Variants in DENND1A observed in about 807,000 individuals in gnomAD.
DENND1A encodes DENN domain containing 1A.
DENND1A carries 51 observed loss-of-function variants against 113.7 expected under a neutral mutation model. That is an observed-to-expected ratio of 0.45 (90% confidence interval 0.36 to 0.57). The LOEUF is 0.57. Among genes scored for constraint, DENND1A ranks in the 20% least tolerant of loss-of-function variants. DENND1A has a pLI of 0.00. For synonymous variants in DENND1A, 565 were observed against 570.8 expected, an observed-to-expected ratio of 0.99 and a Z score of 0.14; for missense variants, 1,258 against 1,395.9, an observed-to-expected ratio of 0.90 and a Z score of 1.57.
At chr9:123,777,394 T>C (rs1423302771) in intron 3 of DENND1A, among the ~76,000 whole-genome samples, 1 of 152,252 alleles carries the variant, frequency 6.6e-6, no homozygotes, top group East Asian at 1.9e-4. Flanking sequence ...GACAGCTAGA[T>C]GTAGCTACCG....
intron 5 of DENND1A, among the ~76,000 whole-genome samples, chr9:123,699,639 A>G (rs2065752206): frequency 6.7e-6 from 1 of 149,322 alleles, no homozygotes; most frequent in South Asian, 2.1e-4. Flanking sequence ...GCGGATACCC[A>G]ACTGCTCCAT....
Position 123,383,912 on chromosome 9 carries a change from GCC to G in DENND1A, c.1761-1_1761del, listed in dbSNP as rs756669110. 6.2e-7 allele frequency: 1 copy of G among 1,607,340 alleles called. No homozygotes were observed. ...TCCCTGAGTGTCCGATACGGCTGCGGCCTGTCGGGGACAGAGCAGGCTGCACT... is the reference window on the plus strand; with the variant it reads ...TCCCTGAGTGTCCGATACGGCTGCGGTGTCGGGGACAGAGCAGGCTGCACT... On this transcript the variant is annotated splice_acceptor_variant and coding_sequence_variant, in exon 23 of 24. Coordinates refer to ENST00000394215, the MANE Select transcript of DENND1A (RefSeq NM_001352964.2). LOFTEE classifies it high-confidence loss of function.
chr9:123,403,404 C>T lies in DENND1A; in HGVS notation c.1629G>A (p.Glu543=). Residue 543 remains glutamate, a splice_region_variant and synonymous_variant, in exon 21 of 24, where the codon GAG becomes GAA. Coordinates refer to ENST00000394215, the MANE Select transcript of DENND1A (RefSeq NM_001352964.2). The stretch of plus-strand genomic sequence containing the variant: ...GAGGGGAGAGGCACAATACTCACTG[C>T]TCAGGGCTCGGCACAGACGTCCTCC... ...EGRRTSVPSP[E]HLVKPLRHYA... 1 of 1,614,100 alleles carries T rather than the reference C, an allele frequency of 6.2e-7. No individual in the cohort carries two copies. Among genetic ancestry groups the T allele is most frequent in the South Asian group, 1.1e-5 (1 of 91,034 alleles).
At chr9:123,555,887 A>G (rs1410664025) in intron 13 of DENND1A, among the ~76,000 whole-genome samples, 2 of 152,184 alleles carry the variant, frequency 1.3e-5, no homozygotes, top group East Asian at 3.9e-4. Flanking sequence ...CAACAATGAG[A>G]TCACTGCAAG....
chr9:123,863,880 T>C (rs2133325365), intron 2 of DENND1A, among the ~76,000 whole-genome samples: 1 of 152,270 alleles, frequency 6.6e-6, no homozygotes, highest in Middle Eastern at 3.4e-3. Context: ...ATCCTGACTT[T>C]AGGTTCATAG....
At chr9:123,776,624 C>G (rs1370467611) in intron 3 of DENND1A, among the ~76,000 whole-genome samples, 1 of 152,184 alleles carries the variant, frequency 6.6e-6, no homozygotes, top group Non-Finnish European at 1.5e-5. Context: ...TATTCAGTCA[C>G]AATTGCATAC....
At chr9:123,671,737 T>C (rs2063774525) in intron 6 of DENND1A, among the ~76,000 whole-genome samples, 1 of 152,184 alleles carries the variant, frequency 6.6e-6, no homozygotes, top group African/African-American at 2.4e-5. Context: ...GAAATAACGA[T>C]GACACTATAG....
intron 11 of DENND1A, among the ~76,000 whole-genome samples, chr9:123,587,151 G>C (rs150913188): frequency 0.019 from 2,822 of 152,104 alleles, 70 homozygotes; most frequent in African/African-American, 0.058. Context: ...GGCGGGGGTA[G>C]GTTAGTGAGG....
intron 5 of DENND1A, among the ~76,000 whole-genome samples, chr9:123,723,705 G>A (rs1315740950): frequency 2.0e-5 from 3 of 152,098 alleles, no homozygotes; most frequent in Non-Finnish European, 2.9e-5. Context: ...CTTGCCTTCC[G>A]CCATGATTGT....
intron 1 of DENND1A, among the ~76,000 whole-genome samples, chr9:123,905,608 G>A (rs1420243032): frequency 6.9e-6 from 1 of 145,492 alleles, no homozygotes; most frequent in African/African-American, 2.6e-5. Flanking sequence ...AAGAGACAAA[G>A]AAGGCCATTA....
chr9:123,516,913 A>AAAAAAAAAAAAAAAT, intron 13 of DENND1A, among the ~76,000 whole-genome samples: 1 of 146,004 alleles, frequency 6.8e-6, no homozygotes, highest in Non-Finnish European at 1.5e-5. Flanking sequence ...AAAAAAAAAA[A>AAAAAAAAAAAAAAAT]AAAAAAGAAC....
rs2060808791 is a variant in DENND1A, at chr9:123,619,094, A to C, written c.720-9613T>G. Among the ~76,000 whole-genome samples, 3 of 152,046 alleles carry C rather than the reference A, an allele frequency of 2.0e-5. No individual in the cohort carries two copies. In the South Asian group the frequency reaches 6.2e-4, roughly 32 times the overall value. ...TCAGAGTAGCTGGGATTACAGGCAC[A>C]CGCCACCACGCCCAGCTAATTTTTG... On this transcript the variant is annotated intron_variant, in intron 10 of 23. Transcript: ENST00000394215.
At chr9:123,523,892 G>T (rs1268418450) in intron 13 of DENND1A, among the ~76,000 whole-genome samples, 1 of 152,180 alleles carries the variant, frequency 6.6e-6, no homozygotes, top group African/African-American at 2.4e-5. Flanking sequence ...GAGTTTCTAT[G>T]AGGTGATCAT....
At chr9:123,672,900 C>T (rs2140013836) in intron 6 of DENND1A, among the ~76,000 whole-genome samples, 1 of 152,286 alleles carries the variant, frequency 6.6e-6, no homozygotes, top group Middle Eastern at 3.4e-3. Context: ...TGCAGAATTA[C>T]CACCTTATCC....
intron 1 of DENND1A, among the ~76,000 whole-genome samples, chr9:123,888,573 T>C (rs554259830): frequency 6.6e-6 from 1 of 152,326 alleles, no homozygotes; most frequent in African/African-American, 2.4e-5. Context: ...ACTGCTGCGA[T>C]ATTCCTGTCG....
chr9:123,500,825 G>A (rs2052414746), intron 13 of DENND1A, among the ~76,000 whole-genome samples: 1 of 152,214 alleles, frequency 6.6e-6, no homozygotes, highest in Admixed American at 6.5e-5. Context: ...CCAGTATCAA[G>A]GGCAGGATCT....
chr9:123,562,078 T>G (rs528640699), intron 12 of DENND1A, among the ~76,000 whole-genome samples: 5 of 152,126 alleles, frequency 3.3e-5, no homozygotes, highest in Non-Finnish European at 7.4e-5. Flanking sequence ...CTAGTAATCT[T>G]GGAAAAATCC....
chr9:123,668,673 G>C (rs2063610213), intron 7 of DENND1A, among the ~76,000 whole-genome samples: 1 of 152,116 alleles, frequency 6.6e-6, no homozygotes, highest in African/African-American at 2.4e-5. Context: ...GACAGCTAAA[G>C]GGGCTTGAAC....
intron 13 of DENND1A, among the ~76,000 whole-genome samples, chr9:123,477,973 G>C (rs2050048841): frequency 6.6e-6 from 1 of 152,130 alleles, no homozygotes; most frequent in South Asian, 2.1e-4. Context: ...AGTTCTCAGA[G>C]GGGTCTGTTC....
Sources: gnomAD v4.1 joint callset for allele counts (sites outside exome capture counted in the v4.1 genomes callset) on GRCh38, gnomAD v4.1.1 for gene constraint, MANE v1.5 for transcripts, NCBI Gene and HGNC (gene_info 2026-07-23, HGNC 2026-07-21) for gene names.